RAD18: variants seen among roughly 807,000 people sequenced by gnomAD.
RAD18 encodes E3 ubiquitin-protein ligase RAD18.
RAD18 carries 47 observed loss-of-function variants against 60.4 expected under a neutral mutation model. That is an observed-to-expected ratio of 0.78 (90% CI 0.62 to 0.99). RAD18 has a LOEUF of 0.99. Among genes scored for constraint, RAD18 ranks in the 50% least tolerant of loss-of-function variants. The pLI, the probability that RAD18 is intolerant of heterozygous loss-of-function variation, is 0.00. For synonymous variants in RAD18, 225 were observed against 195.5 expected (o/e 1.15, Z -1.26); for missense variants, 640 against 593.3 (o/e 1.08, Z -0.82).
At chr3:8,929,494 A>G (rs998742733) in intron 7 of RAD18, among the ~76,000 whole-genome samples, 3 of 152,226 alleles carry the variant, frequency 2.0e-5, no homozygotes, top group African/African-American at 7.2e-5. Context: ...AGATTCAACA[A>G]CTTAGATGAA....
At chr3:8,947,195 G>A (rs1940852201) in intron 4 of RAD18, 25 bp downstream of exon 4, 1 of 1,542,990 alleles carries the variant, frequency 6.5e-7, no homozygotes, top group East Asian at 2.3e-5. Context: ...AGTAGTTAGA[G>A]GTTAGTCACA....
intron 4 of RAD18, among the ~76,000 whole-genome samples, chr3:8,942,894 G>A (rs183994806): frequency 6.6e-4 from 101 of 152,282 alleles, no homozygotes; most frequent in South Asian, 6.6e-3. Context: ...AATCCCAAAC[G>A]TCAGTGCTGG....
intron 9 of RAD18, among the ~76,000 whole-genome samples, chr3:8,902,801 T>A (rs1211375828): frequency 6.6e-6 from 1 of 151,874 alleles, no homozygotes; most frequent in Non-Finnish European, 1.5e-5. Context: ...CCGAAGTAGG[T>A]GGACCATTTG....
At chr3:8,888,951 A>G (rs1328586307) in intron 12 of RAD18, among the ~76,000 whole-genome samples, 1 of 152,214 alleles carries the variant, frequency 6.6e-6, no homozygotes, top group East Asian at 1.9e-4. Flanking sequence ...CAGTATGAAG[A>G]GGTACAAGAG....
intron 11 of RAD18, among the ~76,000 whole-genome samples, chr3:8,897,169 C>T (rs1303487416): frequency 1.3e-5 from 2 of 152,160 alleles, no homozygotes; most frequent in Admixed American, 6.5e-5. Flanking sequence ...CTAAACCAAA[C>T]TCTGAAGTTA....
intron 12 of RAD18, among the ~76,000 whole-genome samples, chr3:8,882,069 C>A (rs1409534483): frequency 2.0e-5 from 3 of 152,164 alleles, no homozygotes; most frequent in African/African-American, 7.2e-5. Context: ...CAGGTGCTCA[C>A]AAGAAAGACT....
At position 8,881,330 on chromosome 3, in the gene RAD18, C is replaced by A; in HGVS notation, c.*27G>T. ...CAAAAGTACGGTATTCTAATCAATG[C>A]ATTTGAAAAGTCAGCAAAAGCCCAC... is the stretch of plus-strand genomic sequence containing the variant. On this transcript the variant is annotated 3_prime_UTR_variant, in exon 13 of 13. Coordinates refer to ENST00000264926, the MANE Select transcript of RAD18 (RefSeq NM_020165.4). 1 of 1,525,692 alleles carries A rather than the reference C, an allele frequency of 6.6e-7. No individual in the cohort carries two copies. The highest frequency in any genetic ancestry group is 9.1e-7 in the Non-Finnish European group (1 of 1,104,034). 94.5% of individuals were successfully genotyped at this position (1,525,692 alleles called of 1,614,324 possible).
At chr3:8,904,372 A>C (rs1396198713) in intron 9 of RAD18, among the ~76,000 whole-genome samples, 1 of 152,220 alleles carries the variant, frequency 6.6e-6, no homozygotes, top group Non-Finnish European at 1.5e-5. Context: ...ATTCCTATAC[A>C]TGAATATTGA....
chr3:8,913,521 A>G (rs968393682), intron 8 of RAD18, 123 bp downstream of exon 8: 6 of 657,614 alleles, frequency 9.1e-6, no homozygotes, highest in African/African-American at 3.8e-5. Flanking sequence ...CAAGTAAATC[A>G]TAATACACTA....
chr3:8,918,381 G>C (rs1394443541), intron 7 of RAD18, among the ~76,000 whole-genome samples: 2 of 143,084 alleles, frequency 1.4e-5, no homozygotes, highest in African/African-American at 5.2e-5. Context: ...TTACCAAGAA[G>C]ACATAATCTT....
At chr3:8,960,670 C>T (rs1941082569) in intron 1 of RAD18, among the ~76,000 whole-genome samples, 1 of 152,208 alleles carries the variant, frequency 6.6e-6, no homozygotes, top group African/African-American at 2.4e-5. Flanking sequence ...ATGAAGTCCA[C>T]AGCATCAGTA....
intron 2 of RAD18, among the ~76,000 whole-genome samples, chr3:8,958,123 A>T: frequency 6.6e-6 from 1 of 152,230 alleles, no homozygotes; most frequent in South Asian, 2.1e-4. Context: ...AGTCAAGCCC[A>T]AGGGCATCTG....
At chr3:8,882,167 T>A (rs1414492478) in intron 12 of RAD18, among the ~76,000 whole-genome samples, 2 of 152,124 alleles carry the variant, frequency 1.3e-5, no homozygotes, top group Non-Finnish European at 2.9e-5. Context: ...TCCTGAATGC[T>A]TCTCTCCCAT....
At chr3:8,929,550 A>G (rs893687401) in intron 7 of RAD18, among the ~76,000 whole-genome samples, 4 of 152,226 alleles carry the variant, frequency 2.6e-5, no homozygotes, top group Non-Finnish European at 5.9e-5. Flanking sequence ...TTAATATTCA[A>G]AAATTAATCA....
At chr3:8,915,734 C>T (rs948800421) in intron 7 of RAD18, among the ~76,000 whole-genome samples, 2 of 152,020 alleles carry the variant, frequency 1.3e-5, no homozygotes, top group Non-Finnish European at 2.9e-5. Context: ...CAGGTGCCTG[C>T]CACCACGCTC....
chr3:8,937,903 C>T (rs1940678919), intron 6 of RAD18, among the ~76,000 whole-genome samples: 1 of 152,110 alleles, frequency 6.6e-6, no homozygotes, highest in Non-Finnish European at 1.5e-5. Flanking sequence ...AACTTAATTA[C>T]ACATGGACGA....
intron 10 of RAD18, among the ~76,000 whole-genome samples, 161 bp from the exon 11 acceptor site, chr3:8,899,208 A>G (rs1436704792): frequency 1.3e-5 from 2 of 152,198 alleles, no homozygotes; most frequent in Non-Finnish European, 2.9e-5. Flanking sequence ...AATTAACACT[A>G]CAATGGTGCT....
chr3:8,947,017 T>C (rs1940849754), intron 4 of RAD18: 2 of 525,330 alleles, frequency 3.8e-6, no homozygotes, highest in South Asian at 2.8e-5. Flanking sequence ...AATTATTCTA[T>C]ACTACAGGAG....
At chr3:8,930,372 C>G (rs1294808752) in intron 7 of RAD18, among the ~76,000 whole-genome samples, 2 of 152,078 alleles carry the variant, frequency 1.3e-5, no homozygotes, top group South Asian at 4.1e-4. Flanking sequence ...TCTATAGAGA[C>G]AGAAGTAAAT....
Sources: gnomAD v4.1 joint callset for allele counts (sites outside exome capture counted in the v4.1 genomes callset) on GRCh38, gnomAD v4.1.1 for gene constraint, MANE v1.5 for transcripts, NCBI Gene and HGNC (gene_info 2026-07-23, HGNC 2026-07-21) for gene names.